The following NRXN1 variants were observed in gnomAD, a reference collection of about 807,000 sequenced individuals.
NRXN1 encodes neurexin 1, also known as neurexin-1.
In NRXN1, 39 loss-of-function variants were observed where a neutral mutation model predicts 150.9. The ratio of observed to expected loss-of-function variants is 0.26; its 90% CI spans 0.20 to 0.34. The LOEUF (loss-of-function observed/expected upper bound fraction) is 0.34, where lower values mean the gene tolerates loss of function less well. Among genes scored for constraint, NRXN1 ranks in the 10% least tolerant of loss-of-function variants. The pLI is 1.00. For missense variants in NRXN1, 1,815 were observed against 1,949.9 expected, an observed-to-expected ratio of 0.93 and a Z score of 1.30; for synonymous variants, 924 against 757.0, an observed-to-expected ratio of 1.22 and a Z score of -3.62.
At chr2:50,402,230 T>C (rs1381733755) in intron 17 of NRXN1, among the ~76,000 whole-genome samples, 3 of 152,118 alleles carry the variant, frequency 2.0e-5, no homozygotes, top group Admixed American at 2.0e-4. Context: ...TGTCTTTTTT[T>C]CCACTAATTT....
intron 5 of NRXN1, among the ~76,000 whole-genome samples, chr2:50,703,852 C>G (rs1694085546): frequency 6.6e-6 from 1 of 152,146 alleles, no homozygotes; most frequent in South Asian, 2.1e-4. Context: ...AAAATTGAAA[C>G]AGACTGAATA....
intron 18 of NRXN1, among the ~76,000 whole-genome samples, chr2:50,219,936 T>TATATATTATA (rs1483536409): frequency 2.5e-4 from 23 of 93,772 alleles, no homozygotes; most frequent in Middle Eastern, 4.6e-3. Flanking sequence ...ATTATATATA[T>TATATATTATA]TATATATTAT....
intron 5 of NRXN1, among the ~76,000 whole-genome samples, chr2:50,698,397 G>T (rs909740888): frequency 6.6e-6 from 1 of 152,156 alleles, no homozygotes; most frequent in Non-Finnish European, 1.5e-5. Context: ...GCTCTCTTAA[G>T]CCAAACATCA....
At chr2:50,143,843 G>C (rs563102630) in intron 18 of NRXN1, among the ~76,000 whole-genome samples, 2 of 151,874 alleles carry the variant, frequency 1.3e-5, no homozygotes, top group East Asian at 3.9e-4. Context: ...TTTTTTAATG[G>C]ATTTACTGAT....
intron 17 of NRXN1, among the ~76,000 whole-genome samples, chr2:50,387,067 C>T (rs972814639): frequency 3.9e-5 from 6 of 152,106 alleles, no homozygotes; most frequent in Non-Finnish European, 7.4e-5. Context: ...CCTCAAGTTT[C>T]AAATCTGATC....
At chr2:50,655,366 T>G (rs1686273431) in intron 5 of NRXN1, among the ~76,000 whole-genome samples, 1 of 152,056 alleles carries the variant, frequency 6.6e-6, no homozygotes, top group Admixed American at 6.6e-5. Flanking sequence ...TCAAGGCCAT[T>G]GCTTCTGGAA....
chr2:50,799,714 C>T (rs996499321), intron 5 of NRXN1, among the ~76,000 whole-genome samples: 38 of 152,136 alleles, frequency 2.5e-4, no homozygotes, highest in African/African-American at 8.9e-4. Context: ...AATGTGCGTG[C>T]TCTGATCATG....
intron 2 of NRXN1, among the ~76,000 whole-genome samples, chr2:50,995,151 G>A (rs1575160132): frequency 6.6e-6 from 1 of 151,912 alleles, no homozygotes; most frequent in African/African-American, 2.4e-5. Flanking sequence ...GCTGAGAAGG[G>A]GCCTAAACTG....
chr2:50,665,493 T>C (rs533690971), intron 5 of NRXN1, among the ~76,000 whole-genome samples: 18 of 152,040 alleles, frequency 1.2e-4, no homozygotes, highest in South Asian at 4.1e-4. Context: ...AACTGATCTA[T>C]TGGCAATCCC....
At chr2:50,458,772 G>A (rs956288824) in intron 17 of NRXN1, among the ~76,000 whole-genome samples, 10 of 151,972 alleles carry the variant, frequency 6.6e-5, no homozygotes, top group African/African-American at 2.4e-4. Context: ...AGTAGAGATG[G>A]TGTTTCACCA....
intron 17 of NRXN1, among the ~76,000 whole-genome samples, chr2:50,317,206 C>G (rs10178331): frequency 0.25 from 37,434 of 151,670 alleles, 5,589 homozygotes; most frequent in East Asian, 0.53. Context: ...AGAGAATGGA[C>G]AAAAGACTCA....
intron 17 of NRXN1, among the ~76,000 whole-genome samples, chr2:50,241,091 A>G (rs1306996788): frequency 6.6e-6 from 1 of 151,600 alleles, no homozygotes; most frequent in Non-Finnish European, 1.5e-5. Flanking sequence ...TTATATCATT[A>G]TTTATGTTCA....
At chr2:50,102,897 T>C (rs1309276963) in intron 18 of NRXN1, among the ~76,000 whole-genome samples, 3 of 152,050 alleles carry the variant, frequency 2.0e-5, no homozygotes, top group Non-Finnish European at 4.4e-5. Context: ...ATTCAAAATA[T>C]TTGTATAAGA....
chr2:50,112,585 G>A (rs993447203), intron 18 of NRXN1, among the ~76,000 whole-genome samples: 2 of 152,106 alleles, frequency 1.3e-5, no homozygotes, highest in Non-Finnish European at 2.9e-5. Flanking sequence ...AAAATATTTT[G>A]AGTTGTGAAC....
At chr2:50,772,517 A>G (rs867061373) in intron 5 of NRXN1, among the ~76,000 whole-genome samples, 2 of 152,026 alleles carry the variant, frequency 1.3e-5, no homozygotes, top group African/African-American at 4.8e-5. Context: ...CAAAAAAAAA[A>G]TTGTACAAAG....
intron 9 of NRXN1, among the ~76,000 whole-genome samples, chr2:50,549,736 A>T (rs1471827040): frequency 6.6e-6 from 1 of 152,194 alleles, no homozygotes; most frequent in Non-Finnish European, 1.5e-5. Context: ...CTTAAACAGA[A>T]AAAGTAGATT....
intron 17 of NRXN1, among the ~76,000 whole-genome samples, chr2:50,428,305 C>T (rs564890468): frequency 6.6e-6 from 1 of 152,234 alleles, no homozygotes; most frequent in South Asian, 2.1e-4. Context: ...GTCTCAGCTA[C>T]TCTGGAGGCT....
chr2:50,302,416 C>T (rs556174040), intron 17 of NRXN1, among the ~76,000 whole-genome samples: 1 of 152,108 alleles, frequency 6.6e-6, no homozygotes, highest in African/African-American at 2.4e-5. Flanking sequence ...TGACTAATTG[C>T]AGATTCAAGA....
intron 8 of NRXN1, among the ~76,000 whole-genome samples, chr2:50,577,599 AT>A (rs954623476): frequency 6.6e-6 from 1 of 152,116 alleles, no homozygotes; most frequent in Non-Finnish European, 1.5e-5. Context: ...AAAAATGCCA[AT>A]AAAGGAGAAT....
Sources: gnomAD v4.1 joint callset for allele counts (sites outside exome capture counted in the v4.1 genomes callset) on GRCh38, gnomAD v4.1.1 for gene constraint, MANE v1.5 for transcripts, NCBI Gene and HGNC (gene_info 2026-07-23, HGNC 2026-07-21) for gene names.